Variants in DNAH9 observed in about 807,000 individuals in gnomAD.
DNAH9 encodes dynein axonemal heavy chain 9, also known as DNAH9 variant protein.
DNAH9 carries 345 observed loss-of-function variants against 471.6 expected under a neutral mutation model. The observed-to-expected ratio is 0.73, with a 90% CI of 0.67 to 0.80. The LOEUF (loss-of-function observed/expected upper bound fraction) is 0.80, where lower values mean the gene tolerates loss of function less well. Among genes scored for constraint, DNAH9 ranks in the 30% least tolerant of loss-of-function variants. The pLI is 0.00. For synonymous variants in DNAH9, 2,093 were observed against 2,123.6 expected, an observed-to-expected ratio of 0.99 and a Z score of 0.40; for missense variants, 5,407 against 5,609.2, an observed-to-expected ratio of 0.96 and a Z score of 1.15.
intron 56 of DNAH9, among the ~76,000 whole-genome samples, chr17:11,885,298 C>T (rs1368216629): frequency 1.3e-5 from 2 of 152,170 alleles, no homozygotes; most frequent in Non-Finnish European, 2.9e-5. Context: ...GAGGTGCTTC[C>T]CTTGAGTGTA....
chr17:11,837,004 C>T (rs142428045), intron 49 of DNAH9, among the ~76,000 whole-genome samples: 27 of 152,238 alleles, frequency 1.8e-4, no homozygotes, highest in South Asian at 2.1e-4. Context: ...ATTCCCATTA[C>T]GTTGTTACAA....
chr17:11,930,233 TC>T, intron 63 of DNAH9, 140 bp downstream of exon 63: 1 of 728,994 alleles, frequency 1.4e-6, no homozygotes, highest in Non-Finnish European at 2.3e-6. Flanking sequence ...GGTAAAATGT[TC>T]CCACCTGATG....
chr17:11,689,727 T>C lies in DNAH9; in HGVS notation c.3905T>C (p.Leu1302Pro). The C allele has an allele frequency of 1.2e-6, 2 of 1,614,184 alleles. No homozygotes were observed. The highest frequency in any genetic ancestry group is 1.7e-6 in the Non-Finnish European group (2 of 1,180,018). Residue 1302 changes from leucine (L) to proline (P), a missense_variant, in exon 20 of 69, where the codon CTG (leucine) becomes CCG (proline). Coordinates refer to ENST00000262442, the MANE Select transcript of DNAH9 (RefSeq NM_001372.4). ...LRQCRKEVCQ[L>P]KELWDTIGMV... ...CAGTGCAGGAAGGAGGTCTGCCAGC[T>C]GAAGGAGCTCTGGGACACCATTGGA...
intron 38 of DNAH9, among the ~76,000 whole-genome samples, chr17:11,777,913 G>A (rs1041726952): frequency 2.0e-5 from 3 of 152,188 alleles, no homozygotes; most frequent in African/African-American, 7.2e-5. Flanking sequence ...TTCAAATATA[G>A]TATAATGAAA....
At chr17:11,926,379 T>C (rs1302716215) in intron 62 of DNAH9, among the ~76,000 whole-genome samples, 1 of 152,134 alleles carries the variant, frequency 6.6e-6, no homozygotes, top group Non-Finnish European at 1.5e-5. Context: ...CCAGCATCCA[T>C]TAGCTGTTCT....
chr17:11,679,743 T>C lies in DNAH9; in HGVS notation c.3354-14T>C, dbSNP rs1298187790. The C allele has an allele frequency of 1.9e-6, 3 of 1,563,774 alleles. No individual in the cohort carries two copies. Among genetic ancestry groups the C allele is most frequent in the Admixed American group, 1.7e-5 (1 of 59,960 alleles). The stretch of plus-strand genomic sequence containing the variant: ...AACGAGAATGGTTCCTCATGTTCTG[T>C]TTGTGTTGATTAGCTTGGCCAACCT... On this transcript the variant is annotated splice_polypyrimidine_tract_variant and intron_variant, in intron 17 of 68. Transcript: ENST00000262442.
In DNAH9 at chr17:11,694,058, G is replaced by A. The variant is rs143897466; in HGVS notation, c.4745+60G>A. 2.5e-3 allele frequency: 3,941 copies of A among 1,589,668 alleles called. 8 individuals are homozygous for A. The highest frequency in any genetic ancestry group is 3.1e-3 in the Non-Finnish European group (3,596 of 1,167,512). On this transcript the variant is annotated intron_variant, in intron 21 of 68. Coordinates refer to ENST00000262442, the MANE Select transcript of DNAH9 (RefSeq NM_001372.4). ...AAGGCATCATTTCCTTTTCCCCATC[G>A]TCTCTGAGACCAGTGGGCAGAAGTG...
intron 68 of DNAH9, among the ~76,000 whole-genome samples, chr17:11,964,671 A>G (rs1293902609): frequency 2.6e-5 from 4 of 152,192 alleles, no homozygotes; most frequent in Admixed American, 6.5e-5. Flanking sequence ...CAAGCAAAAC[A>G]GCTGAATCTC....
chr17:11,835,599 A>G (rs1279229097), intron 49 of DNAH9, among the ~76,000 whole-genome samples: 2 of 152,114 alleles, frequency 1.3e-5, no homozygotes, highest in Non-Finnish European at 2.9e-5. Flanking sequence ...GGTGGAAGGA[A>G]AAGAGGGGCA....
chr17:11,611,912 G>T, intron 4 of DNAH9, 132 bp downstream of exon 4: 1 of 847,154 alleles, frequency 1.2e-6, no homozygotes, highest in East Asian at 2.4e-5. Context: ...AACTAGCATG[G>T]TGGCAAGAAT....
intron 57 of DNAH9, among the ~76,000 whole-genome samples, chr17:11,889,461 C>T (rs760055864): frequency 9.0e-5 from 13 of 144,902 alleles, no homozygotes; most frequent in Non-Finnish European, 1.5e-4. Flanking sequence ...CCACGTGGCA[C>T]GATTTTGCTG....
At chr17:11,722,817 C>A (rs1225697262) in intron 27 of DNAH9, among the ~76,000 whole-genome samples, 1 of 152,154 alleles carries the variant, frequency 6.6e-6, no homozygotes, top group African/African-American at 2.4e-5. Context: ...GCTGAAACAT[C>A]CTTTATATTA....
intron 42 of DNAH9, among the ~76,000 whole-genome samples, chr17:11,793,898 C>T (rs1969149122): frequency 6.6e-6 from 1 of 152,088 alleles, no homozygotes; most frequent in Non-Finnish European, 1.5e-5. Flanking sequence ...TGATCCAAGT[C>T]CCCACATGGT....
chr17:11,717,446 T>A (rs2074983304), intron 26 of DNAH9, among the ~76,000 whole-genome samples: 1 of 151,834 alleles, frequency 6.6e-6, no homozygotes, highest in South Asian at 2.1e-4. Flanking sequence ...CCAGCCACCA[T>A]CTGACATAAA....
Position 11,689,687 on chromosome 17 carries a change from T to C in DNAH9, c.3865T>C (p.Tyr1289His). The stretch of plus-strand genomic sequence containing the variant: ...CTTATTTGAAGTCAATGTCCCTGAC[T>C]ATAAGCAGCTGAGGCAGTGCAGGAA... ...ASLFEVNVPD[Y>H]KQLRQCRKEV... The change falls in exon 20 of 69, where the codon TAT becomes CAT. Residue 1289 changes from tyrosine to histidine, a missense_variant. By Grantham distance (83) the Tyr-to-His change is moderately conservative (BLOSUM62 2). Around this residue, in one of 3 missense-constraint regions of DNAH9, gnomAD observed 4,636 missense variants for 4,900.3 expected, o/e 0.95. Coordinates refer to ENST00000262442, the MANE Select transcript of DNAH9 (RefSeq NM_001372.4). 1 of 1,614,182 alleles carries C rather than the reference T, an allele frequency of 6.2e-7. No homozygotes were observed. The highest frequency in any genetic ancestry group is 1.1e-5 in the South Asian group (1 of 91,078).
At chr17:11,754,040 A>G (rs1327428359) in intron 33 of DNAH9, among the ~76,000 whole-genome samples, 1 of 151,952 alleles carries the variant, frequency 6.6e-6, no homozygotes, top group Non-Finnish European at 1.5e-5. Context: ...CTCATCATTT[A>G]GCTCCCACTT....
intron 11 of DNAH9, among the ~76,000 whole-genome samples, chr17:11,644,989 G>A (rs16945125): frequency 2.0e-5 from 3 of 152,178 alleles, no homozygotes; most frequent in Non-Finnish European, 4.4e-5. Flanking sequence ...CGGATGTCAC[G>A]GAAAATTGCA....
rs371802874 is a variant in DNAH9 at position 11,720,396 on chromosome 17, C to T, written c.5709+906C>T. On this transcript the variant is annotated intron_variant, in intron 27 of 68. Coordinates refer to ENST00000262442, the MANE Select transcript of DNAH9 (RefSeq NM_001372.4). ...TGTATCTCCTAATGCTATCCCTCCC[C>T]GCTTCCCCCACCCCACGACAGGCCC... Among the ~76,000 whole-genome samples the T allele has an allele frequency of 3.0e-4, 45 of 152,196 alleles. No individual in the cohort carries two copies. In the South Asian group the frequency reaches 4.4e-3, roughly 15 times the overall value.
chr17:11,673,190 G>A (rs1188435981), intron 17 of DNAH9, among the ~76,000 whole-genome samples: 1 of 152,156 alleles, frequency 6.6e-6, no homozygotes, highest in Non-Finnish European at 1.5e-5. Context: ...TCAGACTCCT[G>A]TTTCCTTCAA....
Sources: gnomAD v4.1 joint callset for allele counts (sites outside exome capture counted in the v4.1 genomes callset) on GRCh38, gnomAD v4.1.1 for gene constraint, gnomAD v4.1.1 regional missense constraint, MANE v1.5 for transcripts, NCBI Gene and HGNC (gene_info 2026-07-23, HGNC 2026-07-21) for gene names.